The following COX7B2 variants were observed in gnomAD, a reference collection of about 807,000 sequenced individuals.
COX7B2 encodes cytochrome c oxidase subunit 7B2, mitochondrial.
For synonymous variants in COX7B2, 37 were observed against 32.1 expected, an observed-to-expected ratio of 1.15 and a Z score of -0.51; for missense variants, 109 against 95.9, an observed-to-expected ratio of 1.14 and a Z score of -0.57.
chr4:46,757,454 TTAC>T (rs1715870708), intron 2 of COX7B2, among the ~76,000 whole-genome samples: 1 of 152,032 alleles, frequency 6.6e-6, no homozygotes, highest in African/African-American at 2.4e-5. Flanking sequence ...CCCCTTAAAT[TTAC>T]TACAATAAGT....
chr4:46,797,266 C>A (rs1347659298), intron 2 of COX7B2, among the ~76,000 whole-genome samples: 1 of 151,938 alleles, frequency 6.6e-6, no homozygotes, highest in Non-Finnish European at 1.5e-5. Context: ...AAAAGTAAGA[C>A]CTTTTGGGAA....
chr4:46,822,758 A>G lies in COX7B2; in HGVS notation c.-50+22202T>C, dbSNP rs1714392821. Among the ~76,000 whole-genome samples the G allele has an allele frequency of 2.0e-5, 3 of 152,202 alleles. No homozygotes were observed. In the South Asian group the frequency reaches 6.2e-4, roughly 31 times the overall value. The stretch of plus-strand genomic sequence containing the variant: ...CTATTAAATCCCAGATTCTAAAACT[A>G]GATAAGAAAAGGGTTCATGAATGTA... On this transcript the variant is annotated intron_variant, in intron 2 of 2. Transcript: ENST00000355591.
At chr4:46,861,860 T>C (rs1431940365) in intron 1 of COX7B2, among the ~76,000 whole-genome samples, 3 of 152,140 alleles carry the variant, frequency 2.0e-5, no homozygotes, top group Admixed American at 6.5e-5. Context: ...CTCCGTCCCA[T>C]GATTCTGAAG....
intron 2 of COX7B2, among the ~76,000 whole-genome samples, chr4:46,790,096 C>A (rs900338383): frequency 2.0e-5 from 3 of 152,000 alleles, no homozygotes; most frequent in Admixed American, 6.5e-5. Context: ...CTATAATTTT[C>A]TATCTGCTAT....
chr4:46,868,536 T>G (rs1277865167), intron 1 of COX7B2, among the ~76,000 whole-genome samples: 2 of 152,218 alleles, frequency 1.3e-5, no homozygotes, highest in Non-Finnish European at 2.9e-5. Context: ...TAACACTGAC[T>G]TAGCTGTGTC....
intron 2 of COX7B2, among the ~76,000 whole-genome samples, chr4:46,819,769 A>C (rs536444475): frequency 6.6e-6 from 1 of 152,184 alleles, no homozygotes; most frequent in South Asian, 2.1e-4. Context: ...GGTGCTCAAC[A>C]ATTATTTTTG....
At chr4:46,767,935 G>C (rs766925301) in intron 2 of COX7B2, among the ~76,000 whole-genome samples, 1 of 152,248 alleles carries the variant, frequency 6.6e-6, no homozygotes, top group African/African-American at 2.4e-5. Context: ...CCTTATGGGA[G>C]GGGGAGCATG....
chr4:46,903,208 T>G (rs1489305922), intron 1 of COX7B2, among the ~76,000 whole-genome samples: 1 of 152,208 alleles, frequency 6.6e-6, no homozygotes, highest in Non-Finnish European at 1.5e-5. Context: ...CAAATTTTCA[T>G]GCCCTTATGA....
chr4:46,838,221 T>C (rs1037465496), intron 2 of COX7B2, among the ~76,000 whole-genome samples: 4 of 152,072 alleles, frequency 2.6e-5, no homozygotes. Context: ...GAAATAATTA[T>C]GCTGCCTCAT....
intron 1 of COX7B2, among the ~76,000 whole-genome samples, chr4:46,880,023 G>A (rs1316436096): frequency 1.3e-5 from 2 of 152,112 alleles, no homozygotes; most frequent in East Asian, 3.9e-4. Context: ...GGGCATCCTT[G>A]CCTCGTGCCG....
At chr4:46,894,533 C>T (rs1380095833) in intron 1 of COX7B2, among the ~76,000 whole-genome samples, 1 of 152,048 alleles carries the variant, frequency 6.6e-6, no homozygotes, top group Non-Finnish European at 1.5e-5. Flanking sequence ...ACTCTAAAAG[C>T]TCTGGAAGAC....
intron 2 of COX7B2, among the ~76,000 whole-genome samples, chr4:46,785,375 A>ATTTT (rs879697478): frequency 7.0e-6 from 1 of 143,582 alleles, no homozygotes; most frequent in African/African-American, 2.5e-5. Flanking sequence ...TGATAGAGCA[A>ATTTT]TTTTTTTTTT....
chr4:46,847,654 G>T (rs184792714), intron 1 of COX7B2, among the ~76,000 whole-genome samples: 157 of 152,122 alleles, frequency 1.0e-3, no homozygotes, highest in African/African-American at 3.6e-3. Context: ...GTAATTCCTG[G>T]GTTACTCCAG....
chr4:46,865,547 T>C (rs574302866), intron 1 of COX7B2, among the ~76,000 whole-genome samples: 1 of 152,310 alleles, frequency 6.6e-6, no homozygotes, highest in Admixed American at 6.5e-5. Context: ...ATTTTTCTCT[T>C]CTTCTTGATC....
chr4:46,747,467 C>G (rs1715093284), intron 2 of COX7B2, among the ~76,000 whole-genome samples: 1 of 151,810 alleles, frequency 6.6e-6, no homozygotes, highest in African/African-American at 2.4e-5. Flanking sequence ...CCACGCCTGG[C>G]TAATTTTTGT....
intron 2 of COX7B2, among the ~76,000 whole-genome samples, chr4:46,822,769 G>T (rs1577611368): frequency 6.6e-6 from 1 of 151,992 alleles, no homozygotes; most frequent in South Asian, 2.1e-4. Context: ...GATAAGAAAA[G>T]GGTTCATGAA....
intron 2 of COX7B2, among the ~76,000 whole-genome samples, chr4:46,751,223 T>A (rs1183762064): frequency 1.3e-5 from 2 of 152,066 alleles, no homozygotes; most frequent in Non-Finnish European, 2.9e-5. Context: ...CGTGGGGAGA[T>A]ATTTACACTC....
At chr4:46,838,289 G>A (rs1436574322) in intron 2 of COX7B2, among the ~76,000 whole-genome samples, 1 of 151,822 alleles carries the variant, frequency 6.6e-6, no homozygotes, top group East Asian at 1.9e-4. Flanking sequence ...GTCTTGCACT[G>A]GGAATAATTT....
At chr4:46,848,066 G>C (rs1426259724) in intron 1 of COX7B2, among the ~76,000 whole-genome samples, 1 of 151,988 alleles carries the variant, frequency 6.6e-6, no homozygotes, top group Non-Finnish European at 1.5e-5. Flanking sequence ...TATCACAGAT[G>C]AATTTTTTGG....
Sources: allele counts gnomAD v4.1 joint callset (sites outside exome capture counted in the v4.1 genomes callset), GRCh38; gene constraint gnomAD v4.1.1; transcripts MANE v1.5; gene names NCBI Gene and HGNC (gene_info 2026-07-23, HGNC 2026-07-21).